Variants in CFAP61 observed in about 807,000 individuals in gnomAD.
CFAP61 encodes cilia- and flagella-associated protein 61.
In CFAP61, 107 loss-of-function variants were observed where a neutral mutation model predicts 135.6. That is an observed-to-expected ratio of 0.79 (90% CI 0.67 to 0.93). The LOEUF is 0.93. Among genes scored for constraint, CFAP61 ranks in the 40% least tolerant of loss-of-function variants. The pLI, the probability that CFAP61 is intolerant of heterozygous loss-of-function variation, is 0.00. For missense variants in CFAP61, 1,507 were observed against 1,556.2 expected (o/e 0.97, Z 0.53); for synonymous variants, 575 against 578.5 (o/e 0.99, Z 0.09).
At chr20:20,196,819 C>A in intron 16 of CFAP61, 43 bp downstream of exon 16, 1 of 1,533,706 alleles carries the variant, frequency 6.5e-7, no homozygotes, top group South Asian at 1.1e-5. Flanking sequence ...GGTCAACGTT[C>A]ACAGTGTTGT....
chr20:20,242,957 C>A (rs2050123868), intron 18 of CFAP61, among the ~76,000 whole-genome samples: 1 of 152,216 alleles, frequency 6.6e-6, no homozygotes, highest in Admixed American at 6.5e-5. Context: ...ATCCTGGGTT[C>A]AAACCCTGCC....
At chr20:20,140,128 ATTTTTTTTTTTT>A (rs3060428) in intron 8 of CFAP61, among the ~76,000 whole-genome samples, 1 of 97,310 alleles carries the variant, frequency 1.0e-5, no homozygotes. Context: ...GGTGCTGGAA[ATTTTTTTTTTTT>A]TTTTTTTTTT....
At chr20:20,228,149 A>G in intron 17 of CFAP61, 100 bp from the exon 18 acceptor site, 1 of 1,009,276 alleles carries the variant, frequency 9.9e-7, no homozygotes, top group Non-Finnish European at 1.4e-6. Context: ...TTTTGGTGGT[A>G]ATGTCCTGGT....
At chr20:20,265,240 C>A (rs1169106716) in intron 21 of CFAP61, among the ~76,000 whole-genome samples, 1 of 152,128 alleles carries the variant, frequency 6.6e-6, no homozygotes, top group Non-Finnish European at 1.5e-5. Context: ...TAACTTTGAA[C>A]CTTTGTGTGT....
intron 26 of CFAP61, among the ~76,000 whole-genome samples, chr20:20,353,938 G>A (rs573994383): frequency 7.2e-5 from 11 of 152,300 alleles, no homozygotes; most frequent in African/African-American, 2.2e-4. Flanking sequence ...ACTAAAAATA[G>A]AATTACATAT....
intron 25 of CFAP61, among the ~76,000 whole-genome samples, chr20:20,338,644 G>C (rs867564703): frequency 0.028 from 4,317 of 152,228 alleles, 198 homozygotes; most frequent in African/African-American, 0.099. Context: ...GCCTTTAAAG[G>C]ACACCTTTAC....
intron 8 of CFAP61, among the ~76,000 whole-genome samples, chr20:20,105,889 T>G (rs1203771654): frequency 2.7e-5 from 4 of 150,656 alleles, no homozygotes; most frequent in African/African-American, 9.7e-5. Flanking sequence ...TCCGCCCACC[T>G]CAGCCTCCCA....
chr20:20,268,945 T>C (rs1471746850), intron 21 of CFAP61, among the ~76,000 whole-genome samples: 3 of 151,932 alleles, frequency 2.0e-5, no homozygotes, highest in African/African-American at 7.3e-5. Context: ...AAGTATAACA[T>C]TAAAATTCCA....
chr20:20,341,719 C>A, intron 25 of CFAP61, 112 bp from the exon 26 acceptor site: 1 of 665,092 alleles, frequency 1.5e-6, no homozygotes, highest in Non-Finnish European at 2.6e-6. Flanking sequence ...TATGAGCAAA[C>A]GATTGCAATG....
chr20:20,341,196 A>G (rs2058432309), intron 25 of CFAP61, among the ~76,000 whole-genome samples: 1 of 152,310 alleles, frequency 6.6e-6, no homozygotes, highest in Non-Finnish European at 1.5e-5. Context: ...TAAAATACCA[A>G]TAAGAGTTCT....
chr20:20,131,999 A>G (rs1216598056), intron 8 of CFAP61, among the ~76,000 whole-genome samples: 2 of 152,112 alleles, frequency 1.3e-5, no homozygotes, highest in South Asian at 4.1e-4. Flanking sequence ...AACTATAGGT[A>G]GATGTTGTAC....
At chr20:20,196,483 A>G in intron 15 of CFAP61, 87 bp from the exon 16 acceptor site, 1 of 993,352 alleles carries the variant, frequency 1.0e-6, no homozygotes, top group Non-Finnish European at 1.6e-6. Context: ...ATCATACCTA[A>G]AGTAATTTTT....
Position 20,288,812 on chromosome 20 carries a change from A to G in CFAP61, c.3000A>G (p.Lys1000=), listed in dbSNP as rs764245974. 4 of 1,614,102 alleles carry G rather than the reference A, an allele frequency of 2.5e-6. No individual in the cohort carries two copies. In the East Asian group the frequency reaches 8.9e-5, roughly 36 times the overall value. The change falls in exon 23 of 27, where the codon AAA becomes AAG. Residue 1000 remains lysine (K), a synonymous_variant. Coordinates refer to ENST00000245957, the MANE Select transcript of CFAP61 (RefSeq NM_015585.4). ...NEWTHSNFSS[K]EIGFQLAAAM... ...GGACTCACAGCAACTTCAGTTCCAAAGAAATTGGCTTTCAGCTGGCAGCAG... is the reference window on the plus strand; with the variant it reads ...GGACTCACAGCAACTTCAGTTCCAAGGAAATTGGCTTTCAGCTGGCAGCAG...
In CFAP61 at chr20:20,197,509, A is replaced by C. The variant is rs573727460; in HGVS notation, c.1797+733A>C. ...CTGTCTTGTTCAAAGCTGTATCCCC[A>C]TTGCCTAGAAGAGTCACAAACACAC... On this transcript the variant is annotated intron_variant, in intron 16 of 26. Transcript: ENST00000245957. Among the ~76,000 whole-genome samples the C allele has an allele frequency of 2.0e-5, 3 of 152,212 alleles. No individual in the cohort carries two copies. In the South Asian group the frequency reaches 6.2e-4, roughly 32 times the overall value.
At chr20:20,123,169 A>G (rs1419919715) in intron 8 of CFAP61, among the ~76,000 whole-genome samples, 1 of 150,576 alleles carries the variant, frequency 6.6e-6, no homozygotes, top group Admixed American at 6.6e-5. Context: ...TCTGGATATT[A>G]GTCCTTTGTC....
intron 26 of CFAP61, among the ~76,000 whole-genome samples, chr20:20,353,468 A>T (rs1194414690): frequency 6.6e-6 from 1 of 152,216 alleles, no homozygotes; most frequent in Non-Finnish European, 1.5e-5. Context: ...ATAACTCGGT[A>T]AATAATTACC....
Position 20,268,844 on chromosome 20 carries a change from AT to A in CFAP61, c.2503+5715del, listed in dbSNP as rs1028399060. On this transcript the variant is annotated intron_variant, in intron 21 of 26. Transcript: ENST00000245957. Reference sequence around the variant, plus strand: ...GTAGGATGAAAGTAAAGTAAAAAAAATAAACTACCTTAATGGCTCAAAATGG... The same window carrying A: ...GTAGGATGAAAGTAAAGTAAAAAAAAAAACTACCTTAATGGCTCAAAATGG... 3.9e-5 allele frequency among the ~76,000 whole-genome samples: 6 copies of A among 152,152 alleles called. 1 individual carries two copies. The highest frequency in any genetic ancestry group is 2.1e-4 in the South Asian group (1 of 4,828).
chr20:20,108,430 T>C (rs1168097963), intron 8 of CFAP61, among the ~76,000 whole-genome samples: 1 of 152,158 alleles, frequency 6.6e-6, no homozygotes, highest in Admixed American at 6.5e-5. Context: ...AGGAGATGGC[T>C]AAACTTGTGA....
intron 6 of CFAP61, among the ~76,000 whole-genome samples, chr20:20,079,667 A>G (rs544356376): frequency 6.6e-6 from 1 of 152,332 alleles, no homozygotes; most frequent in Non-Finnish European, 1.5e-5. Flanking sequence ...TCAGATACAT[A>G]TTATCTACCT....
Sources: gnomAD v4.1 joint callset for allele counts (sites outside exome capture counted in the v4.1 genomes callset) on GRCh38, gnomAD v4.1.1 for gene constraint, MANE v1.5 for transcripts, NCBI Gene and HGNC (gene_info 2026-07-23, HGNC 2026-07-21) for gene names.